MYLK: variants seen among roughly 807,000 people sequenced by gnomAD.
MYLK encodes myosin light chain kinase.
A neutral mutation model predicts 203.4 loss-of-function variants in MYLK; 106 were observed. That is an observed-to-expected ratio of 0.52 (90% CI 0.45 to 0.61). The LOEUF (loss-of-function observed/expected upper bound fraction) is 0.61, where lower values mean the gene tolerates loss of function less well. Among genes scored for constraint, MYLK ranks in the 20% least tolerant of loss-of-function variants. MYLK has a pLI of 0.00. For synonymous variants in MYLK, 867 were observed against 959.5 expected (o/e 0.90, Z 1.78); for missense variants, 2,072 against 2,442.3 (o/e 0.85, Z 3.20).
intron 29 of MYLK, among the ~76,000 whole-genome samples, chr3:123,636,374 A>T (rs1054005319): frequency 6.6e-6 from 1 of 152,246 alleles, no homozygotes; most frequent in Non-Finnish European, 1.5e-5. Context: ...GTGAGCATCA[A>T]ACAAGGTCCT....
intron 2 of MYLK, among the ~76,000 whole-genome samples, chr3:123,852,707 C>A (rs963253431): frequency 2.6e-5 from 4 of 152,012 alleles, no homozygotes; most frequent in Non-Finnish European, 4.4e-5. Flanking sequence ...AAAGAAAAGA[C>A]CCTAGTGAAC....
rs776825316 is a variant in MYLK at position 123,638,197 on chromosome 3, G to A, written c.4838-3C>T. On this transcript the variant is annotated splice_polypyrimidine_tract_variant and splice_region_variant and intron_variant, in intron 28 of 33. Coordinates refer to ENST00000360304, the MANE Select transcript of MYLK (RefSeq NM_053025.4). ...GACCTTCAGAGACCCCGCATTCTCT[G>A]AAACCAGGATGGAGAGGGATAAATT... 2.3e-5 allele frequency: 37 copies of A among 1,613,616 alleles called. No individual in the cohort carries two copies. In the East Asian group the frequency reaches 2.9e-4, roughly 13 times the overall value.
chr3:123,745,341 C>T (rs1022336959), intron 5 of MYLK, among the ~76,000 whole-genome samples: 7 of 152,126 alleles, frequency 4.6e-5, no homozygotes, highest in Admixed American at 4.6e-4. Context: ...GAGGGTGGTA[C>T]TGTCTCTGTT....
At chr3:123,663,727 G>A (rs1304528205) in intron 23 of MYLK, among the ~76,000 whole-genome samples, 1 of 152,162 alleles carries the variant, frequency 6.6e-6, no homozygotes, top group African/African-American at 2.4e-5. Flanking sequence ...TCAGGATGGG[G>A]ACAGATACAG....
chr3:123,846,069 G>T (rs1368870377), intron 2 of MYLK, among the ~76,000 whole-genome samples: 2 of 152,126 alleles, frequency 1.3e-5, no homozygotes, highest in Admixed American at 1.3e-4. Flanking sequence ...TCTAATCCAA[G>T]ATACCTCATT....
chr3:123,843,378 T>C (rs1577108995), intron 2 of MYLK, among the ~76,000 whole-genome samples: 1 of 152,302 alleles, frequency 6.6e-6, no homozygotes, highest in Non-Finnish European at 1.5e-5. Context: ...GGCCCTTTCA[T>C]CCTTCCTCTA....
intron 12 of MYLK, among the ~76,000 whole-genome samples, chr3:123,724,805 C>T (rs567418585): frequency 2.6e-5 from 4 of 152,164 alleles, no homozygotes; most frequent in Admixed American, 1.3e-4. Context: ...AGTGCAATGG[C>T]GCAATCTCGG....
At chr3:123,681,131 C>G (rs1227549115) in intron 20 of MYLK, 10 of 152,164 alleles carry the variant, frequency 6.6e-5, no homozygotes, top group Non-Finnish European at 1.5e-5. Context: ...AAAACCTTTT[C>G]TTTGACTTAA....
chr3:123,732,125 A>G (rs2062501760), intron 11 of MYLK, among the ~76,000 whole-genome samples: 1 of 152,134 alleles, frequency 6.6e-6, no homozygotes, highest in South Asian at 2.1e-4. Flanking sequence ...TCTCAAGGGT[A>G]TGGCATGGGC....
chr3:123,879,780 G>A lies in MYLK; in HGVS notation c.-185-3163C>T, dbSNP rs568551342. On this transcript the variant is annotated intron_variant, in intron 1 of 33. Transcript: ENST00000360304. The stretch of plus-strand genomic sequence containing the variant: ...CTCCCGAGTTGCTGGGACTACAGCC[G>A]AGTAGCTGGGACTACAGACGCCCGC... Among the ~76,000 whole-genome samples, 52 of 151,850 alleles carry A rather than the reference G, an allele frequency of 3.4e-4. No individual in the cohort carries two copies. In the South Asian group the frequency reaches 4.8e-3, roughly 14 times the overall value.
At chr3:123,791,073 G>A (rs1258406054) in intron 4 of MYLK, among the ~76,000 whole-genome samples, 1 of 152,190 alleles carries the variant, frequency 6.6e-6, no homozygotes, top group Non-Finnish European at 1.5e-5. Flanking sequence ...ACCAGGACTG[G>A]TTCCGTGACG....
intron 2 of MYLK, among the ~76,000 whole-genome samples, chr3:123,849,828 T>A (rs2053735717): frequency 6.6e-6 from 1 of 152,184 alleles, no homozygotes; most frequent in Non-Finnish European, 1.5e-5. Context: ...TGTGCCCTGT[T>A]GGTGTGCTGC....
intron 31 of MYLK, chr3:123,621,150 T>A (rs2057833377): frequency 6.6e-6 from 1 of 152,234 alleles, no homozygotes; most frequent in Non-Finnish European, 1.5e-5. Context: ...AGATGTAATT[T>A]ATTTACATTG....
At chr3:123,662,103 C>T (rs1056984433) in intron 23 of MYLK, among the ~76,000 whole-genome samples, 2 of 152,196 alleles carry the variant, frequency 1.3e-5, no homozygotes, top group African/African-American at 2.4e-5. Context: ...GAGGCACAGA[C>T]ATCAACAACT....
intron 28 of MYLK, chr3:123,638,826 G>A: frequency 1.0e-6 from 1 of 985,434 alleles, no homozygotes; most frequent in Non-Finnish European, 1.2e-6. Flanking sequence ...TTCAACCCCA[G>A]GGTGGTACCT....
intron 24 of MYLK, among the ~76,000 whole-genome samples, chr3:123,652,379 C>G (rs763836905): frequency 7.2e-5 from 11 of 152,178 alleles, no homozygotes; most frequent in Non-Finnish European, 1.5e-4. Context: ...TGAGATATTT[C>G]TGCAAACAGA....
intron 3 of MYLK, among the ~76,000 whole-genome samples, chr3:123,825,598 T>C (rs1187735673): frequency 6.6e-6 from 1 of 152,178 alleles, no homozygotes; most frequent in African/African-American, 2.4e-5. Context: ...CTCCCATCCC[T>C]TGTGAGCCAA....
At chr3:123,735,336 G>A (rs1374434301) in intron 9 of MYLK, 62 bp downstream of exon 9, 28 of 1,599,268 alleles carry the variant, frequency 1.8e-5, no homozygotes, top group East Asian at 4.5e-5. Context: ...GGCATTTCTC[G>A]GTAACATCCT....
chr3:123,868,877 T>G (rs2032537295), intron 2 of MYLK, among the ~76,000 whole-genome samples: 1 of 152,206 alleles, frequency 6.6e-6, no homozygotes, highest in African/African-American at 2.4e-5. Flanking sequence ...TAGCTGAAAT[T>G]TTGTCTTTTA....
Sources: gnomAD v4.1 joint callset for allele counts (sites outside exome capture counted in the v4.1 genomes callset) on GRCh38, gnomAD v4.1.1 for gene constraint, MANE v1.5 for transcripts, NCBI Gene and HGNC (gene_info 2026-07-23, HGNC 2026-07-21) for gene names.